Variants in BOK observed in about 807,000 individuals in gnomAD.
BOK encodes the protein bcl-2-related ovarian killer protein.
BOK carries 20 observed loss-of-function variants against 18.3 expected under a neutral mutation model. That is an observed-to-expected ratio of 1.09 (90% confidence interval 0.77 to 1.59). The LOEUF is 1.59. Among genes scored for constraint, BOK ranks in the 40% most tolerant of loss-of-function variants. BOK has a pLI of 0.00. For synonymous variants in BOK, 173 were observed against 142.4 expected (o/e 1.21, Z -1.53); for missense variants, 348 against 307.9 (o/e 1.13, Z -0.97).
At chr2:241,559,897 C>G (rs968562544) in intron 2 of BOK, among the ~76,000 whole-genome samples, 194 bp downstream of exon 2, 1 of 152,356 alleles carries the variant, frequency 6.6e-6, no homozygotes, top group South Asian at 2.1e-4. Context: ...ACAGGCCCCC[C>G]CATCAGCTGC....
chr2:241,564,609 C>T (rs1451391705), intron 3 of BOK, among the ~76,000 whole-genome samples: 1 of 152,052 alleles, frequency 6.6e-6, no homozygotes, highest in African/African-American at 2.4e-5. Context: ...CAGTGGGCAG[C>T]GGAAGCATGG....
intron 4 of BOK, among the ~76,000 whole-genome samples, chr2:241,571,977 G>A (rs950381212): frequency 6.6e-6 from 1 of 152,196 alleles, no homozygotes; most frequent in Non-Finnish European, 1.5e-5. Flanking sequence ...ACCCTGGTCT[G>A]GATGTCTGGA....
chr2:241,571,791 C>T (rs2066725619), intron 4 of BOK, among the ~76,000 whole-genome samples: 1 of 152,250 alleles, frequency 6.6e-6, no homozygotes. Context: ...ACTTCAGAGT[C>T]CAGGGAGTCC....
Position 241,562,314 on chromosome 2 carries a change from G to T in BOK, c.221-34G>T. The T allele has an allele frequency of 6.4e-7, 1 of 1,560,692 alleles. No homozygotes were observed. On this transcript the variant is annotated intron_variant, in intron 2 of 4. Transcript: ENST00000318407. The surrounding 1 kb of genome is among the most constrained non-coding windows in gnomAD (Gnocchi z 4.5). ...GTCGTGTCCCAGGAAGCTGGGACGTGGGCTGCCTCTCACCTGCTCTTGTGA... is the reference window on the plus strand; with the variant it reads ...GTCGTGTCCCAGGAAGCTGGGACGTTGGCTGCCTCTCACCTGCTCTTGTGA...
Position 241,572,238 on chromosome 2 carries a change from G to T in BOK, c.514-59G>T, listed in dbSNP as rs566159012. ...GTGCACGGTGCTGGGGGGCCTGGCGGTGCTGGGGGCCTGGCGGTGCTGGCT... is the reference window on the plus strand; with the variant it reads ...GTGCACGGTGCTGGGGGGCCTGGCGTTGCTGGGGGCCTGGCGGTGCTGGCT... On this transcript the variant is annotated intron_variant, in intron 4 of 4. Transcript: ENST00000318407. The T allele has an allele frequency of 2.5e-6, 4 of 1,590,948 alleles. No individual in the cohort carries two copies. The South Asian group carries it at 3.3e-5, about 13-fold the overall frequency.
At position 241,572,378 on chromosome 2, in the gene BOK, C is replaced by T. The variant is rs750654945; in HGVS notation, c.595C>T (p.Arg199Cys). 33 of 1,605,528 alleles carry T rather than the reference C, an allele frequency of 2.1e-5. No individual in the cohort carries two copies. The East Asian group carries it at 2.5e-4, about 12-fold the overall frequency. ...GGTGGCTGCACTCTGCAGCTTCGGCCGCTTCCTGAAGGCTGCCTTCTTCGT... is the reference window on the plus strand; with the variant it reads ...GGTGGCTGCACTCTGCAGCTTCGGCTGCTTCCTGAAGGCTGCCTTCTTCGT... ...WLVAALCSFG[R>C]FLKAAFFVLL... The change falls in exon 5 of 5, where the codon CGC (arginine) becomes TGC (cysteine). Residue 199 changes from arginine (R) to cysteine (C), a missense_variant. Arg to Cys is a radical substitution (Grantham distance 180). Transcript: ENST00000318407.
intron 3 of BOK, among the ~76,000 whole-genome samples, chr2:241,569,636 G>A (rs2066674907): frequency 6.6e-6 from 1 of 152,148 alleles, no homozygotes; most frequent in South Asian, 2.1e-4. Context: ...GTCGTGTCCT[G>A]CCTTTTATTC....
At chr2:241,557,787 T>C (rs1235789660), upstream of BOK, among the ~76,000 whole-genome samples, 1 of 152,182 alleles carries the variant, frequency 6.6e-6, no homozygotes, top group Non-Finnish European at 1.5e-5. Context: ...TTCCAAGCAT[T>C]TGCAGATTTT....
In BOK at chr2:241,562,845, A is replaced by G. The variant is rs2066552161; in HGVS notation, c.349+369A>G. ...CCCGAGCGGGGCTTGGGCTTCTCAC[A>G]GCATGGTGCTGTGTCCCAAGGAGGA... On this transcript the variant is annotated intron_variant, in intron 3 of 4. Transcript: ENST00000318407. The surrounding 1 kb of genome is among the most constrained non-coding windows in gnomAD (Gnocchi z 4.5). Among the ~76,000 whole-genome samples, 1 of 152,136 alleles carries G rather than the reference A, an allele frequency of 6.6e-6. No individual in the cohort carries two copies. The highest frequency in any genetic ancestry group is 2.4e-5 in the African/African-American group (1 of 41,404).
chr2:241,572,350 G>C lies in BOK; in HGVS notation c.567G>C (p.Trp189Cys). 3 of 1,609,630 alleles carry C rather than the reference G, an allele frequency of 1.9e-6. No homozygotes were observed. In the South Asian group the frequency reaches 3.3e-5, roughly 18 times the overall value. ...CAGACCCTGGCCTCCGCTCCCACTG[G>C]CTGGTGGCTGCACTCTGCAGCTTCG... ...VSTDPGLRSH[W>C]LVAALCSFGR... Residue 189 changes from tryptophan (W) to cysteine (C), a missense_variant, in exon 5 of 5, where the codon TGG becomes TGC. Physicochemically the swap from Trp to Cys is radical, Grantham distance 215. Transcript: ENST00000318407.
chr2:241,559,848 C>A (rs1193781827), intron 2 of BOK, 145 bp downstream of exon 2: 8 of 1,013,052 alleles, frequency 7.9e-6, no homozygotes, highest in African/African-American at 1.7e-5. Context: ...GCCACCCAGG[C>A]GGGTGCTCCC....
At position 241,566,918 on chromosome 2, in the gene BOK, G is replaced by C. The variant is rs926796121; in HGVS notation, c.350-3207G>C. ...GGATGATGAAAATGTTCTAGAATTA[G>C]ATAGAGGTGATGGTTGCACAGCTTT... On this transcript the variant is annotated intron_variant, in intron 3 of 4. Coordinates refer to ENST00000318407, the MANE Select transcript of BOK (RefSeq NM_032515.5). Among the ~76,000 whole-genome samples the C allele has an allele frequency of 4.5e-5, 6 of 134,234 alleles. 2 individuals carry two copies. Among genetic ancestry groups the C allele is most frequent in the African/African-American group, 1.2e-4 (4 of 34,182 alleles). The allele number at this position is 134,234 out of a possible 152,430, so 88.1% of individuals were successfully genotyped here. A position where few individuals can be genotyped will look rare whatever the true frequency, so the allele number is the denominator to read the frequency against.
At chr2:241,560,812 A>T (rs2066516776) in intron 2 of BOK, among the ~76,000 whole-genome samples, 1 of 152,114 alleles carries the variant, frequency 6.6e-6, no homozygotes, top group Non-Finnish European at 1.5e-5. Flanking sequence ...TGAAAAGATG[A>T]TGCCAGACCC....
rs992404666 is a variant in BOK at position 241,560,253 on chromosome 2, A to C, written c.220+550A>C. ...CACACACGGTCCACTGGCTGCCCCC[A>C]CCGTCTCCAAGGTCTGGACCCAAGA... is the stretch of plus-strand genomic sequence containing the variant. On this transcript the variant is annotated intron_variant, in intron 2 of 4. Transcript: ENST00000318407. 3.0e-6 allele frequency: 3 copies of C among 985,252 alleles called. No homozygotes were observed. In the Admixed American group the frequency reaches 1.8e-4, roughly 61 times the overall value. 61.0% of individuals were successfully genotyped at this position (985,252 alleles called of 1,614,324 possible).
At chr2:241,565,017 C>T (rs1447106246) in intron 3 of BOK, among the ~76,000 whole-genome samples, 2 of 152,118 alleles carry the variant, frequency 1.3e-5, no homozygotes, top group African/African-American at 2.4e-5. Context: ...TGGGAGGGCA[C>T]CTGGGGGCCA....
chr2:241,564,412 T>C (rs2066578417), intron 3 of BOK, among the ~76,000 whole-genome samples: 1 of 152,140 alleles, frequency 6.6e-6, no homozygotes, highest in Non-Finnish European at 1.5e-5. Context: ...CGTAAATGAA[T>C]CCTCATTGGC....
At chr2:241,569,742 T>C (rs1163975709) in intron 3 of BOK, among the ~76,000 whole-genome samples, 1 of 152,242 alleles carries the variant, frequency 6.6e-6, no homozygotes, top group Admixed American at 6.5e-5. Context: ...AGGCAGTTTC[T>C]CTGCGGGCCT....
chr2:241,554,594 A>G (rs1230668165), upstream of BOK, among the ~76,000 whole-genome samples: 1 of 152,208 alleles, frequency 6.6e-6, no homozygotes, highest in Non-Finnish European at 1.5e-5. Flanking sequence ...AGAGTACAGA[A>G]GCTGCCCACC....
intron 3 of BOK, among the ~76,000 whole-genome samples, chr2:241,563,172 C>T (rs537564110): frequency 9.3e-4 from 141 of 152,282 alleles, no homozygotes; most frequent in African/African-American, 3.3e-3. Flanking sequence ...CTGCTGCTCC[C>T]GGCTGTCCAC....
Sources: gnomAD v4.1 joint callset for allele counts (sites outside exome capture counted in the v4.1 genomes callset) on GRCh38, gnomAD v4.1.1 for gene constraint, Gnocchi (gnomAD v3.1) non-coding constraint, MANE v1.5 for transcripts, NCBI Gene and HGNC (gene_info 2026-07-23, HGNC 2026-07-21) for gene names.